Variants in DCLK1 observed in about 807,000 individuals in gnomAD.
DCLK1 encodes the protein serine/threonine-protein kinase DCLK1.
Under a neutral mutation model 86.2 loss-of-function variants are expected in DCLK1, and 16 were observed. The observed-to-expected ratio is 0.19, with a 90% CI of 0.13 to 0.28. The LOEUF is 0.28. Ranked by LOEUF, DCLK1 falls within the 10% of genes least tolerant of loss-of-function variation. The probability of loss-of-function intolerance (pLI) is 1.00; values close to 1 mark genes in which losing one functional copy is unlikely to be tolerated. For synonymous variants in DCLK1, 369 were observed against 370.5 expected, an observed-to-expected ratio of 1.00 and a Z score of 0.05; for missense variants, 590 against 940.2, an observed-to-expected ratio of 0.63 and a Z score of 4.87.
intron 3 of DCLK1, among the ~76,000 whole-genome samples, chr13:36,023,583 C>T (rs533118186): frequency 6.6e-6 from 1 of 152,146 alleles, no homozygotes; most frequent in African/African-American, 2.4e-5. Context: ...TCCAAAACAT[C>T]CTCCAAGTTG....
At chr13:36,055,462 C>G (rs1883267661) in intron 3 of DCLK1, among the ~76,000 whole-genome samples, 1 of 152,172 alleles carries the variant, frequency 6.6e-6, no homozygotes, top group Admixed American at 6.5e-5. Context: ...AGGGAGTGAA[C>G]TCAGTGTCTA....
chr13:36,113,251 A>G (rs1409246037), intron 2 of DCLK1, among the ~76,000 whole-genome samples: 4 of 152,232 alleles, frequency 2.6e-5, no homozygotes, highest in Non-Finnish European at 5.9e-5. Flanking sequence ...AGGCCAAAGA[A>G]TAAGTAGTCA....
At chr13:36,095,187 T>TTTTTTTTG (rs1884966880) in intron 3 of DCLK1, among the ~76,000 whole-genome samples, 2 of 115,846 alleles carry the variant, frequency 1.7e-5, no homozygotes, top group East Asian at 2.7e-4. Flanking sequence ...TTTTTTTTTG[T>TTTTTTTTG]TTTTTTTGTT....
At chr13:35,996,317 G>A in intron 3 of DCLK1, among the ~76,000 whole-genome samples, 1 of 152,188 alleles carries the variant, frequency 6.6e-6, no homozygotes, top group Admixed American at 6.6e-5. Flanking sequence ...GCTTCAGTGT[G>A]CTGGTATTGC....
At chr13:35,809,752 T>C (rs1221170928) in intron 12 of DCLK1, among the ~76,000 whole-genome samples, 1 of 152,190 alleles carries the variant, frequency 6.6e-6, no homozygotes, top group Non-Finnish European at 1.5e-5. Context: ...GCTATGGATG[T>C]GGGCTCCCAC....
intron 10 of DCLK1, among the ~76,000 whole-genome samples, chr13:35,823,273 C>T (rs1367402960): frequency 1.3e-5 from 2 of 151,932 alleles, no homozygotes; most frequent in African/African-American, 2.4e-5. Context: ...ATTTGTAATC[C>T]TTCACCTCCT....
rs963191641 is a variant in DCLK1 at position 35,770,056 on chromosome 13, AC to A, written c.*4478del. ...CTCTCCACTGAAGTTCCTGTTTCCC[AC>A]CAGTTTACGACCCTTAATGTTACTG... On this transcript the variant is annotated 3_prime_UTR_variant, in exon 17 of 17. Transcript: ENST00000360631. The A allele has an allele frequency of 1.3e-5, 2 of 152,294 alleles. No individual in the cohort carries two copies. The highest frequency in any genetic ancestry group is 2.9e-5 in the Non-Finnish European group (2 of 68,020). The allele number at this position is 152,294 out of a possible 1,614,324, so 9.4% of individuals were successfully genotyped here.
chr13:35,966,920 C>T (rs1187357445), intron 3 of DCLK1, among the ~76,000 whole-genome samples: 32 of 152,064 alleles, frequency 2.1e-4, no homozygotes, highest in Non-Finnish European at 3.1e-4. Context: ...TCTGCCCGGC[C>T]GCCACCCCGT....
intron 3 of DCLK1, among the ~76,000 whole-genome samples, chr13:36,069,767 C>T (rs1883896855): frequency 6.6e-6 from 1 of 152,226 alleles, no homozygotes; most frequent in Non-Finnish European, 1.5e-5. Flanking sequence ...CCCCATTACT[C>T]TCTGAGCAGT....
intron 8 of DCLK1, among the ~76,000 whole-genome samples, chr13:35,835,678 T>C (rs1869314880): frequency 6.6e-6 from 1 of 152,228 alleles, no homozygotes; most frequent in Admixed American, 6.5e-5. Context: ...TACAGACATA[T>C]ACTCTCACAA....
intron 10 of DCLK1, among the ~76,000 whole-genome samples, chr13:35,826,693 G>A (rs886854343): frequency 1.3e-4 from 20 of 152,082 alleles, no homozygotes; most frequent in Admixed American, 1.2e-3. Context: ...ACCCTAGAAT[G>A]AACATTTTTC....
intron 11 of DCLK1, among the ~76,000 whole-genome samples, chr13:35,815,166 G>A (rs1471532441): frequency 1.2e-4 from 19 of 152,110 alleles, no homozygotes; most frequent in Admixed American, 1.2e-3. Flanking sequence ...TTTATTTGGG[G>A]TTTTGCATTA....
chr13:36,091,141 G>C (rs1180296678), intron 3 of DCLK1, among the ~76,000 whole-genome samples: 1 of 152,094 alleles, frequency 6.6e-6, no homozygotes, highest in Admixed American at 6.5e-5. Flanking sequence ...TTGGTTGCGG[G>C]TTCACTCTGA....
At chr13:35,996,222 C>A (rs1566637888) in intron 3 of DCLK1, among the ~76,000 whole-genome samples, 2 of 152,182 alleles carry the variant, frequency 1.3e-5, no homozygotes, top group Non-Finnish European at 2.9e-5. Flanking sequence ...AGCCACTGCA[C>A]CCTGCCAACC....
intron 4 of DCLK1, among the ~76,000 whole-genome samples, chr13:35,923,048 C>CT (rs1357720045): frequency 6.6e-6 from 1 of 152,266 alleles, no homozygotes; most frequent in East Asian, 1.9e-4. Context: ...TCTATCAGAA[C>CT]TTTAAAGAAT....
intron 4 of DCLK1, among the ~76,000 whole-genome samples, chr13:35,896,084 C>T (rs550033003): frequency 2.6e-5 from 4 of 151,946 alleles, no homozygotes; most frequent in South Asian, 4.2e-4. Context: ...AGATGTTAAA[C>T]GTATATATGC....
At chr13:36,099,815 T>C (rs1885138174) in intron 3 of DCLK1, among the ~76,000 whole-genome samples, 1 of 152,174 alleles carries the variant, frequency 6.6e-6, no homozygotes, top group Non-Finnish European at 1.5e-5. Flanking sequence ...ATGGTCACTG[T>C]CAATAATTGG....
At chr13:35,790,430 C>A (rs577119023) in intron 16 of DCLK1, among the ~76,000 whole-genome samples, 1 of 152,130 alleles carries the variant, frequency 6.6e-6, no homozygotes, top group South Asian at 2.1e-4. Context: ...TTGTTGATTC[C>A]CCAACTGCCA....
intron 4 of DCLK1, among the ~76,000 whole-genome samples, chr13:35,917,516 A>ACCTG (rs557203776): frequency 4.9e-4 from 75 of 152,258 alleles, no homozygotes; most frequent in Non-Finnish European, 9.3e-4. Context: ...AACACAGAAC[A>ACCTG]CCTGGCAGGG....
Sources: allele counts gnomAD v4.1 joint callset (sites outside exome capture counted in the v4.1 genomes callset), GRCh38; gene constraint gnomAD v4.1.1; transcripts MANE v1.5; gene names NCBI Gene and HGNC (gene_info 2026-07-23, HGNC 2026-07-21).